Variants in CALR3 observed in about 807,000 individuals in gnomAD.
The protein encoded by CALR3 is calreticulin-3.
A neutral mutation model predicts 48.7 loss-of-function variants in CALR3; 39 were observed. The ratio of observed to expected loss-of-function variants is 0.80; its 90% CI spans 0.62 to 1.05. CALR3 has a LOEUF of 1.05. CALR3 is among the 50% of genes least tolerant of loss of function. The pLI, the probability that CALR3 is intolerant of heterozygous loss-of-function variation, is 0.00. For missense variants in CALR3, 449 were observed against 474.7 expected, an observed-to-expected ratio of 0.95 and a Z score of 0.50; for synonymous variants, 185 against 172.7, an observed-to-expected ratio of 1.07 and a Z score of -0.56.
chr19:16,490,312 G>A lies in CALR3; in HGVS notation c.397+55C>T, dbSNP rs960194810. On this transcript the variant is annotated intron_variant, in intron 3 of 8. Transcript: ENST00000269881. ...AGTCTTAGTCTAAAGATCCTGTGAA[G>A]TGGGAGGGTTTTCAAAGTCACTAGA... The A allele has an allele frequency of 5.4e-6, 8 of 1,486,282 alleles. No individual in the cohort carries two copies. The East Asian group carries it at 1.6e-4, about 29-fold the overall frequency. The allele number at this position is 1,486,282 out of a possible 1,614,324, so 92.1% of individuals were successfully genotyped here.
At chr19:16,480,529 G>C in intron 8 of CALR3, 85 bp downstream of exon 8, 1 of 872,864 alleles carries the variant, frequency 1.1e-6, no homozygotes, top group South Asian at 1.4e-5. Context: ...TACAGCCTGG[G>C]TGACAGAGCT....
intron 4 of CALR3, among the ~76,000 whole-genome samples, chr19:16,484,705 A>G (rs2093386523): frequency 1.3e-5 from 2 of 151,622 alleles, no homozygotes; most frequent in Admixed American, 6.6e-5. Context: ...TTTTGTCATG[A>G]CAAGATTTCG....
At chr19:16,488,610 G>A (rs1038695326) in intron 3 of CALR3, among the ~76,000 whole-genome samples, 1 of 152,048 alleles carries the variant, frequency 6.6e-6, no homozygotes, top group African/African-American at 2.4e-5. Context: ...GTTTTACCAT[G>A]TTAGCCAGGC....
At chr19:16,483,082 C>T (rs544741387) in intron 5 of CALR3, among the ~76,000 whole-genome samples, 1 of 152,134 alleles carries the variant, frequency 6.6e-6, no homozygotes, top group South Asian at 2.1e-4. Context: ...TGGGTTCAAG[C>T]GATCCTCCTG....
intron 8 of CALR3, 133 bp from the exon 9 acceptor site, chr19:16,479,407 AAC>A (rs1216136761): frequency 1.0e-6 from 1 of 990,036 alleles, no homozygotes; most frequent in Non-Finnish European, 1.5e-6. Flanking sequence ...AACACGGTGA[AAC>A]ACAGTCTCTA....
rs1599715715 is a variant in CALR3 at position 16,479,244 on chromosome 19, C to T, written c.1042G>A (p.Ala348Thr). 6.2e-7 allele frequency: 1 copy of T among 1,614,038 alleles called. No homozygotes were observed. Among genetic ancestry groups the T allele is most frequent in the Non-Finnish European group, 8.5e-7 (1 of 1,180,010 alleles). Residue 348 changes from alanine to threonine, a missense_variant, in exon 9 of 9, where the codon GCC (alanine) becomes ACC (threonine). Transcript: ENST00000269881. ...CGGGCCTTCTTCATTTCCTCCTTGG[C>T]CTGTATGGCATCCATCTCCCTTTCT... ...GPEREMDAIQ[A>T]KEEMKKAREE...
chr19:16,479,390 C>T, intron 8 of CALR3, 116 bp from the exon 9 acceptor site: 1 of 1,177,320 alleles, frequency 8.5e-7, no homozygotes, highest in Non-Finnish European at 1.2e-6. Context: ...TCGAGACCAT[C>T]CCGGCTAACA....
Position 16,496,131 on chromosome 19 carries a change from G to T in CALR3, c.-2C>A, listed in dbSNP as rs776126382. On this transcript the variant is annotated 5_prime_UTR_variant, in exon 1 of 9. Coordinates refer to ENST00000269881, the MANE Select transcript of CALR3 (RefSeq NM_145046.5). Reference sequence around the variant, plus strand: ...GAGCTGGACCAAAGCCCGGGCCATGGGGGTGTGCACTGCGCTTCCGGTCGC... The same window carrying T: ...GAGCTGGACCAAAGCCCGGGCCATGTGGGTGTGCACTGCGCTTCCGGTCGC... The T allele has an allele frequency of 6.3e-7, 1 of 1,598,026 alleles. No homozygotes were observed. Among genetic ancestry groups the T allele is most frequent in the South Asian group, 1.1e-5 (1 of 88,738 alleles).
intron 8 of CALR3, among the ~76,000 whole-genome samples, chr19:16,480,200 CAA>C (rs57759885): frequency 3.4e-3 from 243 of 70,784 alleles, no homozygotes; most frequent in East Asian, 0.017. Context: ...GACTCCGTCT[CAA>C]AAAAAAAAAA....
At chr19:16,494,978 T>C (rs1248297431) in intron 2 of CALR3, among the ~76,000 whole-genome samples, 2 of 152,170 alleles carry the variant, frequency 1.3e-5, no homozygotes, top group Non-Finnish European at 2.9e-5. Flanking sequence ...CTCACGCCTA[T>C]AATCCCAGCA....
Position 16,479,251 on chromosome 19 carries a change from G to A in CALR3, c.1035C>T (p.Ala345=). Residue 345 remains alanine (A), a synonymous_variant, in exon 9 of 9, where the codon GCC becomes GCT. Transcript: ENST00000269881. ...TCTTCATTTCCTCCTTGGCCTGTAT[G>A]GCATCCATCTCCCTTTCTGGACCCT... ...ETKGPEREMD[A]IQAKEEMKKA... 1 of 1,613,938 alleles carries A rather than the reference G, an allele frequency of 6.2e-7. No individual in the cohort carries two copies. The highest frequency in any genetic ancestry group is 8.5e-7 in the Non-Finnish European group (1 of 1,180,002).
intron 2 of CALR3, among the ~76,000 whole-genome samples, chr19:16,493,517 T>G (rs531938256): frequency 1.3e-5 from 2 of 151,766 alleles, no homozygotes; most frequent in East Asian, 3.9e-4. Flanking sequence ...AACTTTGAGC[T>G]TGAATTAGCT....
At chr19:16,491,191 C>G (rs1358089789) in intron 2 of CALR3, among the ~76,000 whole-genome samples, 1 of 152,016 alleles carries the variant, frequency 6.6e-6, no homozygotes, top group Non-Finnish European at 1.5e-5. Flanking sequence ...GGCACGATCT[C>G]TGCCCACTGC....
intron 4 of CALR3, 83 bp from the exon 5 acceptor site, chr19:16,484,198 G>A: frequency 1.1e-5 from 12 of 1,069,014 alleles, no homozygotes; most frequent in Non-Finnish European, 1.6e-5. Flanking sequence ...TTTTTTTTGA[G>A]ATGGAGTCTC....
rs1358910295 is a variant in CALR3, at chr19:16,482,666, G to C, written c.786+12C>G. ...TGGGGCATCCCTGGCATCATACAAA[G>C]AGGCCACACACCTGGTACGGGGGCT... On this transcript the variant is annotated intron_variant, in intron 6 of 8. Coordinates refer to ENST00000269881, the MANE Select transcript of CALR3 (RefSeq NM_145046.5). 1.2e-6 allele frequency: 2 copies of C among 1,614,062 alleles called. No homozygotes were observed. The highest frequency in any genetic ancestry group is 2.7e-5 in the African/African-American group (2 of 74,928).
At chr19:16,482,155 G>A (rs1470964748) in intron 7 of CALR3, among the ~76,000 whole-genome samples, 3 of 149,792 alleles carry the variant, frequency 2.0e-5, no homozygotes, top group Non-Finnish European at 4.5e-5. Context: ...TGATCCACCC[G>A]CCTCAGCCTC....
chr19:16,480,733 A>G, intron 7 of CALR3, 27 bp from the exon 8 acceptor site: 1 of 1,411,736 alleles, frequency 7.1e-7, no homozygotes, highest in Non-Finnish European at 1.0e-6. Flanking sequence ...GGCCTTCATT[A>G]TTATGCTTTT....
rs377026384 is a variant in CALR3 at position 16,483,969 on chromosome 19, T to C, written c.639A>G (p.Glu213=). 2.0e-5 allele frequency: 33 copies of C among 1,613,942 alleles called. No homozygotes were observed. The African/African-American group carries it at 3.6e-4, about 18-fold the overall frequency. The change falls in exon 5 of 9, where the codon GAA becomes GAG. Residue 213 remains glutamate (E), a synonymous_variant. Transcript: ENST00000269881. The part of the protein sequence containing the change: ...TSLKKETSPA[E]SKDWEQTKDN... The stretch of plus-strand genomic sequence containing the variant: ...CTTTAGTCTGTTCCCAATCCTTCGA[T>C]TCTGCCGGGGACGTTTCCTTCTTGA...
At chr19:16,494,221 T>G (rs1171779272) in intron 2 of CALR3, among the ~76,000 whole-genome samples, 1 of 150,898 alleles carries the variant, frequency 6.6e-6, no homozygotes, top group East Asian at 1.9e-4. Flanking sequence ...CCACCACACT[T>G]GGCTAACTTT....
Sources: allele counts gnomAD v4.1 joint callset (sites outside exome capture counted in the v4.1 genomes callset), GRCh38; gene constraint gnomAD v4.1.1; transcripts MANE v1.5; gene names NCBI Gene and HGNC (gene_info 2026-07-23, HGNC 2026-07-21).